The following ARMH4 variants were observed in gnomAD, a reference collection of about 807,000 sequenced individuals.
ARMH4 encodes the protein armadillo like helical domain containing 4, also known as armadillo-like helical domain-containing protein 4.
In ARMH4, 49 loss-of-function variants were observed where a neutral mutation model predicts 61.9. That is an observed-to-expected ratio of 0.79 (90% CI 0.63 to 1.00). The LOEUF is 1.00. Among genes scored for constraint, ARMH4 ranks in the 50% least tolerant of loss-of-function variants. The pLI is 0.00. For missense variants in ARMH4, 934 were observed against 930.0 expected (o/e 1.00, Z -0.06); for synonymous variants, 368 against 341.5 (o/e 1.08, Z -0.85).
intron 5 of ARMH4, among the ~76,000 whole-genome samples, chr14:58,032,636 G>C (rs2141167501): frequency 6.6e-6 from 1 of 152,148 alleles, no homozygotes; most frequent in South Asian, 2.1e-4. Flanking sequence ...TTCCATCTGA[G>C]GTACCGGGTT....
chr14:58,047,014 G>GAGCT (rs1320056382), intron 5 of ARMH4, among the ~76,000 whole-genome samples: 2 of 152,190 alleles, frequency 1.3e-5, no homozygotes, highest in Admixed American at 1.3e-4. Context: ...GACTGCTACA[G>GAGCT]AGCTGGTCTC....
intron 6 of ARMH4, among the ~76,000 whole-genome samples, chr14:58,011,225 GAATT>G (rs1324105318): frequency 6.6e-6 from 1 of 152,018 alleles, no homozygotes; most frequent in African/African-American, 2.4e-5. Flanking sequence ...ATAGTAAGGA[GAATT>G]AATACAATTA....
chr14:58,115,649 G>A (rs1886493146), intron 4 of ARMH4, among the ~76,000 whole-genome samples: 3 of 152,108 alleles, frequency 2.0e-5, no homozygotes, highest in Non-Finnish European at 4.4e-5. Flanking sequence ...ATTCAAAATA[G>A]CAAAGGCAGG....
chr14:58,038,793 CAT>C (rs1366754993), intron 5 of ARMH4, among the ~76,000 whole-genome samples: 4 of 152,152 alleles, frequency 2.6e-5, no homozygotes, highest in Admixed American at 6.5e-5. Context: ...GACAAAGACA[CAT>C]ATACTGCATT....
At chr14:58,140,680 C>T (rs1887513614) in intron 1 of ARMH4, among the ~76,000 whole-genome samples, 1 of 152,024 alleles carries the variant, frequency 6.6e-6, no homozygotes, top group Non-Finnish European at 1.5e-5. Context: ...GCGGGCGGAT[C>T]ACCTGAGGTC....
chr14:58,112,241 G>A (rs1886376095), intron 4 of ARMH4, among the ~76,000 whole-genome samples: 1 of 147,018 alleles, frequency 6.8e-6, no homozygotes, highest in South Asian at 2.1e-4. Flanking sequence ...TGATATATTT[G>A]TGTTTGTTAC....
intron 6 of ARMH4, among the ~76,000 whole-genome samples, chr14:58,010,765 T>C (rs1223896927): frequency 2.0e-5 from 3 of 151,916 alleles, no homozygotes; most frequent in Admixed American, 6.6e-5. Context: ...AAGCTATATA[T>C]ACATGCAGAT....
chr14:58,032,278 A>C (rs1883270397), intron 5 of ARMH4, among the ~76,000 whole-genome samples: 1 of 152,138 alleles, frequency 6.6e-6, no homozygotes, highest in South Asian at 2.1e-4. Flanking sequence ...ATCATCTTCT[A>C]CCATAATATA....
Position 58,042,413 on chromosome 14 carries a change from C to T in ARMH4, c.2090-30263G>A, listed in dbSNP as rs1239428450. The stretch of plus-strand genomic sequence containing the variant: ...TCTTTAAAACCAATGAGAACAAAGA[C>T]ACAACATACCAGAATCTCTGGGACA... On this transcript the variant is annotated intron_variant, in intron 5 of 7. Coordinates refer to ENST00000267485, the MANE Select transcript of ARMH4 (RefSeq NM_001001872.4). Among the ~76,000 whole-genome samples, 5 of 152,244 alleles carry T rather than the reference C, an allele frequency of 3.3e-5. No homozygotes were observed. The South Asian group carries it at 6.2e-4, about 19-fold the overall frequency.
chr14:58,119,496 C>T (rs191098116), intron 4 of ARMH4, among the ~76,000 whole-genome samples: 24 of 152,320 alleles, frequency 1.6e-4, no homozygotes, highest in Middle Eastern at 3.4e-3. Context: ...ATTTCTACCA[C>T]TCACATATAG....
chr14:58,013,405 AG>A, intron 5 of ARMH4, among the ~76,000 whole-genome samples: 1 of 151,898 alleles, frequency 6.6e-6, no homozygotes, highest in Admixed American at 6.6e-5. Context: ...AAATGTAAAA[AG>A]CATTCGCATT....
In ARMH4 at chr14:58,005,094, A is replaced by C; in HGVS notation, c.2210T>G (p.Val737Gly). Reference sequence around the variant, plus strand: ...GCCATTTCTCCTTCGGCGATTCATAACCTTAATGCTGTAGAGGGCTCCCAA... The same window carrying C: ...GCCATTTCTCCTTCGGCGATTCATACCCTTAATGCTGTAGAGGGCTCCCAA... ...FILGALYSIK[V>G]MNRRRRNGFK... The change falls in exon 7 of 8, where the codon GTT becomes GGT. Residue 737 changes from valine to glycine, a missense_variant. Transcript: ENST00000267485. 2 of 1,614,078 alleles carry C rather than the reference A, an allele frequency of 1.2e-6. No homozygotes were observed. Among genetic ancestry groups the C allele is most frequent in the African/African-American group, 2.7e-5 (2 of 75,028 alleles).
intron 4 of ARMH4, among the ~76,000 whole-genome samples, chr14:58,126,305 G>A (rs1280833574): frequency 2.0e-5 from 3 of 152,194 alleles, no homozygotes; most frequent in Non-Finnish European, 2.9e-5. Flanking sequence ...CCTGAATGAA[G>A]GCACACTTTT....
chr14:58,070,335 C>T (rs982602847), intron 5 of ARMH4, among the ~76,000 whole-genome samples: 1 of 152,058 alleles, frequency 6.6e-6, no homozygotes, highest in African/African-American at 2.4e-5. Flanking sequence ...GGGGTGAGCA[C>T]AGAGGAAAAA....
At chr14:58,081,100 TATAA>T (rs59178433) in intron 5 of ARMH4, among the ~76,000 whole-genome samples, 25 of 148,388 alleles carry the variant, frequency 1.7e-4, no homozygotes, top group Admixed American at 8.7e-4. Flanking sequence ...AGACTCTGTC[TATAA>T]ATAAATAAAT....
At chr14:58,139,438 A>C (rs949058841) in intron 1 of ARMH4, 24 bp from the exon 2 acceptor site, 1 of 1,294,620 alleles carries the variant, frequency 7.7e-7, no homozygotes, top group African/African-American at 1.5e-5. Flanking sequence ...AAGCATATCA[A>C]ACTGTCATAT....
At chr14:58,117,446 C>G (rs1180543067) in intron 4 of ARMH4, among the ~76,000 whole-genome samples, 1 of 152,190 alleles carries the variant, frequency 6.6e-6, no homozygotes, top group Non-Finnish European at 1.5e-5. Flanking sequence ...ATTTCCCCTT[C>G]AAAATGTAAA....
At chr14:58,078,742 T>C (rs1433262182) in intron 5 of ARMH4, among the ~76,000 whole-genome samples, 1 of 152,240 alleles carries the variant, frequency 6.6e-6, no homozygotes, top group African/African-American at 2.4e-5. Flanking sequence ...AGTAAACAAG[T>C]AGGCATGGCT....
At chr14:58,135,222 A>G (rs963459052) in intron 2 of ARMH4, among the ~76,000 whole-genome samples, 26 of 152,190 alleles carry the variant, frequency 1.7e-4, no homozygotes, top group African/African-American at 6.3e-4. Flanking sequence ...TGAGCTTCAT[A>G]TTTGCACTCT....
Sources: allele counts gnomAD v4.1 joint callset (sites outside exome capture counted in the v4.1 genomes callset), GRCh38; gene constraint gnomAD v4.1.1; transcripts MANE v1.5; gene names NCBI Gene and HGNC (gene_info 2026-07-23, HGNC 2026-07-21).